The following CLCN3 variants were observed in gnomAD, a reference collection of about 807,000 sequenced individuals.
The protein encoded by CLCN3 is Cl-/H+ antiporter 3.
In CLCN3, 16 loss-of-function variants were observed where a neutral mutation model predicts 83.4. The observed-to-expected ratio is 0.19, with a 90% CI of 0.13 to 0.29. The LOEUF is 0.29. Among genes scored for constraint, CLCN3 ranks in the 10% least tolerant of loss-of-function variants. CLCN3 has a pLI of 1.00. For missense variants in CLCN3, 544 were observed against 1,006.0 expected (o/e 0.54, Z 6.21); for synonymous variants, 322 against 346.2 (o/e 0.93, Z 0.78).
intron 4 of CLCN3, 38 bp downstream of exon 4, chr4:169,687,795 CAG>C (rs771966652): frequency 1.7e-6 from 2 of 1,198,288 alleles, no homozygotes; most frequent in South Asian, 2.8e-5. Flanking sequence ...TTTTAGTTAA[CAG>C]AAGTATAAAC....
chr4:169,633,157 C>T (rs1166383061), intron 1 of CLCN3, among the ~76,000 whole-genome samples: 1 of 152,026 alleles, frequency 6.6e-6, no homozygotes, highest in East Asian at 1.9e-4. Flanking sequence ...GGGTTACAGG[C>T]GGCTGCCACC....
chr4:169,673,124 T>C (rs1353769296), intron 2 of CLCN3, among the ~76,000 whole-genome samples: 2 of 152,232 alleles, frequency 1.3e-5, no homozygotes, highest in African/African-American at 4.8e-5. Flanking sequence ...CAGTTTAGGA[T>C]AGAAATTTTC....
chr4:169,719,849 A>G, intron 12 of CLCN3, 58 bp from the exon 13 acceptor site: 1 of 1,385,554 alleles, frequency 7.2e-7, no homozygotes, highest in Non-Finnish European at 1.0e-6. Flanking sequence ...CTATAGATTT[A>G]GCTTCTCCTT....
intron 7 of CLCN3, among the ~76,000 whole-genome samples, chr4:169,693,717 T>G (rs1457916677): frequency 2.0e-5 from 3 of 152,258 alleles, no homozygotes; most frequent in Non-Finnish European, 4.4e-5. Flanking sequence ...CATTACTTTC[T>G]GTTGTACCTT....
intron 1 of CLCN3, among the ~76,000 whole-genome samples, chr4:169,631,110 C>T (rs1448215368): frequency 6.6e-6 from 1 of 152,156 alleles, no homozygotes; most frequent in Non-Finnish European, 1.5e-5. Flanking sequence ...TTGCCAGCAT[C>T]TGTTGTTTTT....
intron 2 of CLCN3, among the ~76,000 whole-genome samples, chr4:169,668,550 A>T (rs563370237): frequency 2.9e-4 from 44 of 152,242 alleles, no homozygotes; most frequent in African/African-American, 1.0e-3. Flanking sequence ...ATTTGACTCT[A>T]GGTCTTTCTG....
chr4:169,656,788 A>G (rs775479046), intron 2 of CLCN3, among the ~76,000 whole-genome samples: 5 of 152,174 alleles, frequency 3.3e-5, no homozygotes, highest in Non-Finnish European at 7.4e-5. Flanking sequence ...AGAAATTAAA[A>G]AATTAGCCAG....
chr4:169,705,223 A>C (rs1732944752), intron 10 of CLCN3, among the ~76,000 whole-genome samples: 1 of 152,242 alleles, frequency 6.6e-6, no homozygotes, highest in African/African-American at 2.4e-5. Flanking sequence ...GAAGATTATA[A>C]TGTGAAGACA....
chr4:169,652,078 ACGTAATTGTGTAG>A (rs1336579040), intron 2 of CLCN3, among the ~76,000 whole-genome samples: 1 of 152,158 alleles, frequency 6.6e-6, no homozygotes, highest in Non-Finnish European at 1.5e-5. Context: ...AATGCATAAA[ACGTAATTGTGTAG>A]TTTAATTAGT....
At chr4:169,682,988 T>C (rs761831352) in intron 3 of CLCN3, among the ~76,000 whole-genome samples, 1 of 152,248 alleles carries the variant, frequency 6.6e-6, no homozygotes, top group African/African-American at 2.4e-5. Flanking sequence ...GACCGTACTT[T>C]GAAAATCACT....
intron 2 of CLCN3, among the ~76,000 whole-genome samples, chr4:169,645,875 G>T (rs1730557994): frequency 6.6e-6 from 1 of 152,058 alleles, no homozygotes; most frequent in Non-Finnish European, 1.5e-5. Flanking sequence ...TTGCATTCTT[G>T]ACTTTATCTG....
chr4:169,721,446 G>T lies in CLCN3; in HGVS notation c.*1449G>T, dbSNP rs1243184993. 1 of 151,880 alleles carries T rather than the reference G, an allele frequency of 6.6e-6. No homozygotes were observed. The highest frequency in any genetic ancestry group is 1.5e-5 in the Non-Finnish European group (1 of 67,980). The allele number at this position is 151,880 out of a possible 1,614,324, so 9.4% of individuals were successfully genotyped here. A position where few individuals can be genotyped will look rare whatever the true frequency, so the allele number is the denominator to read the frequency against. On this transcript the variant is annotated 3_prime_UTR_variant, in exon 13 of 13. Transcript: ENST00000513761. ...CCTGTCCATTTTGACCCATTAACTG[G>T]AAAGTTGAAAAACTACATTAACTGG...
At chr4:169,631,776 C>T (rs980977499) in intron 1 of CLCN3, among the ~76,000 whole-genome samples, 1 of 151,998 alleles carries the variant, frequency 6.6e-6, no homozygotes, top group Non-Finnish European at 1.5e-5. Context: ...ACAAAAGATC[C>T]CCAGAGACTA....
At chr4:169,687,415 A>C (rs909648571) in intron 3 of CLCN3, among the ~76,000 whole-genome samples, 21 of 152,168 alleles carry the variant, frequency 1.4e-4, no homozygotes, top group African/African-American at 4.1e-4. Context: ...GCCCAGTCTC[A>C]TTGAAAGAAA....
rs1238024271 is a variant in CLCN3, at chr4:169,722,872, G to C, written c.*2875G>C. On this transcript the variant is annotated 3_prime_UTR_variant, in exon 13 of 13. Coordinates refer to ENST00000513761, the MANE Select transcript of CLCN3 (RefSeq NM_001829.4). ...CCTTTTCAACCAAAATAATGAAATA[G>C]TGGAGACCATGAAATTGTTGTGCCT... 1 of 152,088 alleles carries C rather than the reference G, an allele frequency of 6.6e-6. No homozygotes were observed. Among genetic ancestry groups the C allele is most frequent in the Non-Finnish European group, 1.5e-5 (1 of 68,022 alleles). The allele number at this position is 152,088 out of a possible 1,614,324, so 9.4% of individuals were successfully genotyped here. A position where few individuals can be genotyped will look rare whatever the true frequency, so the allele number is the denominator to read the frequency against.
intron 9 of CLCN3, among the ~76,000 whole-genome samples, chr4:169,700,516 C>A (rs961357457): frequency 6.6e-5 from 10 of 152,104 alleles, no homozygotes; most frequent in African/African-American, 2.2e-4. Context: ...GAGGCCTTGG[C>A]CTCCCAGAGT....
In CLCN3 at chr4:169,690,672, G is replaced by T; in HGVS notation, c.729+20G>T. Reference sequence around the variant, plus strand: ...CCAGAGGTAAGCCAAGTAATATTTAGTGTCATTAAACATTATTATGATGCT... The same window carrying T: ...CCAGAGGTAAGCCAAGTAATATTTATTGTCATTAAACATTATTATGATGCT... On this transcript the variant is annotated intron_variant, in intron 6 of 12. Coordinates refer to ENST00000513761, the MANE Select transcript of CLCN3 (RefSeq NM_001829.4). 6.3e-7 allele frequency: 1 copy of T among 1,599,394 alleles called. No individual in the cohort carries two copies. Among genetic ancestry groups the T allele is most frequent in the South Asian group, 1.1e-5 (1 of 89,192 alleles).
At chr4:169,670,557 C>T (rs1310956741) in intron 2 of CLCN3, among the ~76,000 whole-genome samples, 2 of 152,166 alleles carry the variant, frequency 1.3e-5, no homozygotes, top group Non-Finnish European at 2.9e-5. Flanking sequence ...ATGATGCCTC[C>T]AGCTTTGTTA....
chr4:169,708,913 AACAG>A (rs1370942309), intron 11 of CLCN3, among the ~76,000 whole-genome samples: 1 of 150,062 alleles, frequency 6.7e-6, no homozygotes. Context: ...AACTGGGAAA[AACAG>A]ACCTGTATAT....
Sources: gnomAD v4.1 joint callset for allele counts (sites outside exome capture counted in the v4.1 genomes callset) on GRCh38, gnomAD v4.1.1 for gene constraint, MANE v1.5 for transcripts, NCBI Gene and HGNC (gene_info 2026-07-23, HGNC 2026-07-21) for gene names.